Variants in CAST observed in about 807,000 individuals in gnomAD.
CAST encodes calpastatin.
In CAST, 76 loss-of-function variants were observed where a neutral mutation model predicts 119.6. That is an observed-to-expected ratio of 0.64 (90% confidence interval 0.53 to 0.77). The LOEUF is 0.77. Among genes scored for constraint, CAST ranks in the 30% least tolerant of loss-of-function variants. The pLI, the probability that CAST is intolerant of heterozygous loss-of-function variation, is 0.00. For synonymous variants in CAST, 319 were observed against 331.6 expected, an observed-to-expected ratio of 0.96 and a Z score of 0.41; for missense variants, 953 against 946.5, an observed-to-expected ratio of 1.01 and a Z score of -0.09.
At chr5:96,510,909 T>A in the CAST span, among the ~76,000 whole-genome samples, 28 of 152,202 alleles carry the variant, frequency 1.8e-4, no homozygotes, top group Non-Finnish European at 3.2e-4. Context: ...GGGTTTATTA[T>A]ACTATTTAAT....
At chr5:96,574,545 G>A (rs1293906595) in intron 1 of CAST, among the ~76,000 whole-genome samples, 1 of 152,114 alleles carries the variant, frequency 6.6e-6, no homozygotes, top group Non-Finnish European at 1.5e-5. Flanking sequence ...TTTTGATGAA[G>A]TTCAATGCAT....
chr5:96,674,293 T>C (rs867798133), intron 1 of CAST, among the ~76,000 whole-genome samples: 2 of 150,754 alleles, frequency 1.3e-5, no homozygotes, highest in Admixed American at 1.3e-4. Flanking sequence ...GTGCCTTGTA[T>C]ATAATAATAA....
At chr5:96,610,476 T>G (rs1393137666) in intron 1 of CAST, among the ~76,000 whole-genome samples, 2 of 152,208 alleles carry the variant, frequency 1.3e-5, no homozygotes, top group African/African-American at 4.8e-5. Context: ...CATCTTTTCA[T>G]GACAAAAATC....
chr5:96,270,717 G>T, the CAST span, among the ~76,000 whole-genome samples: 8 of 152,138 alleles, frequency 5.3e-5, no homozygotes, highest in South Asian at 1.0e-3. Context: ...AGGGGGTGAG[G>T]TTGGGGGAAG....
the CAST span, among the ~76,000 whole-genome samples, chr5:96,419,134 G>A: frequency 9.2e-5 from 14 of 151,846 alleles, no homozygotes; most frequent in Non-Finnish European, 2.1e-4. Flanking sequence ...TAAATAACAA[G>A]TGTGACAAGA....
intron 20 of CAST, among the ~76,000 whole-genome samples, chr5:96,753,006 T>A (rs1765478870): frequency 6.7e-6 from 1 of 149,076 alleles, no homozygotes; most frequent in Non-Finnish European, 1.5e-5. Flanking sequence ...ACATTTTTTT[T>A]TTTTTGAGGC....
At chr5:96,743,335 TATTAA>T (rs1198150141) in intron 16 of CAST, among the ~76,000 whole-genome samples, 1 of 152,224 alleles carries the variant, frequency 6.6e-6, no homozygotes, top group Non-Finnish European at 1.5e-5. Context: ...AAAGTTTTAA[TATTAA>T]ATTATAATTT....
the CAST span, among the ~76,000 whole-genome samples, chr5:96,461,450 G>C: frequency 1.3e-5 from 2 of 152,068 alleles, no homozygotes; most frequent in African/African-American, 4.8e-5. Flanking sequence ...TTCCACAGCA[G>C]CTGCACCATT....
chr5:96,351,881 G>A, the CAST span, among the ~76,000 whole-genome samples: 1 of 152,162 alleles, frequency 6.6e-6, no homozygotes, highest in Admixed American at 6.6e-5. Flanking sequence ...GAAAGAAATG[G>A]AAAGTTCTCC....
chr5:96,075,813 T>G, the CAST span, among the ~76,000 whole-genome samples: 3 of 152,180 alleles, frequency 2.0e-5, no homozygotes, highest in Admixed American at 1.3e-4. Context: ...AATGATCCCT[T>G]TAAGGTGAAT....
chr5:96,130,787 A>G, the CAST span, among the ~76,000 whole-genome samples: 1 of 152,074 alleles, frequency 6.6e-6, no homozygotes, highest in Non-Finnish European at 1.5e-5. Context: ...CAACAAACCA[A>G]AAGAAGATAC....
At chr5:96,069,327 G>A in the CAST span, among the ~76,000 whole-genome samples, 4 of 151,430 alleles carry the variant, frequency 2.6e-5, no homozygotes, top group Non-Finnish European at 5.9e-5. Flanking sequence ...TTATGTGATT[G>A]TGGAGACTGG....
At chr5:96,368,015 C>A in the CAST span, among the ~76,000 whole-genome samples, 30,483 of 151,908 alleles carry the variant, frequency 0.2, 3,855 homozygotes, top group Non-Finnish European at 0.26. Context: ...TCCTTCTCAC[C>A]CACTTACATA....
chr5:96,521,102 T>C (rs1257090988), upstream of CAST, among the ~76,000 whole-genome samples: 1 of 152,172 alleles, frequency 6.6e-6, no homozygotes, highest in East Asian at 1.9e-4. Flanking sequence ...TACCCCAGCA[T>C]GTTATGTTTG....
At chr5:96,049,153 TATA>T in the CAST span, among the ~76,000 whole-genome samples, 15 of 152,224 alleles carry the variant, frequency 9.9e-5, no homozygotes, top group Non-Finnish European at 2.2e-4. Context: ...AAGACGACTT[TATA>T]ATAATTTTTA....
At chr5:96,731,151 A>G (rs920780723) in intron 9 of CAST, among the ~76,000 whole-genome samples, 1 of 152,226 alleles carries the variant, frequency 6.6e-6, no homozygotes, top group Non-Finnish European at 1.5e-5. Context: ...TTCCAAATGT[A>G]TAGATATGAA....
chr5:96,291,849 T>TGTGC, the CAST span, among the ~76,000 whole-genome samples: 1 of 138,672 alleles, frequency 7.2e-6, no homozygotes, highest in Non-Finnish European at 1.5e-5. Flanking sequence ...TCTGCGTGTG[T>TGTGC]GTGTGTGTGT....
chr5:96,556,968 G>T (rs1297776299), intron 1 of CAST, among the ~76,000 whole-genome samples: 2 of 152,080 alleles, frequency 1.3e-5, no homozygotes, highest in Non-Finnish European at 2.9e-5. Context: ...AGAAAGGTCG[G>T]GTTACCCACA....
At chr5:96,733,515 C>T (rs139577086) in intron 9 of CAST, among the ~76,000 whole-genome samples, 5 of 152,226 alleles carry the variant, frequency 3.3e-5, no homozygotes, top group Non-Finnish European at 5.9e-5. Context: ...GGAAGTCTGC[C>T]GTGCATTGAC....
Sources: allele counts gnomAD v4.1 joint callset (sites outside exome capture counted in the v4.1 genomes callset), GRCh38; gene constraint gnomAD v4.1.1; transcripts MANE v1.5; gene names NCBI Gene and HGNC (gene_info 2026-07-23, HGNC 2026-07-21).